PTPRD: variants seen among roughly 807,000 people sequenced by gnomAD.
PTPRD encodes the protein receptor-type tyrosine-protein phosphatase delta.
PTPRD carries 34 observed loss-of-function variants against 214.5 expected under a neutral mutation model. The observed-to-expected ratio is 0.16, with a 90% CI of 0.12 to 0.21. The LOEUF (loss-of-function observed/expected upper bound fraction) is 0.21, where lower values mean the gene tolerates loss of function less well. Ranked by LOEUF, PTPRD falls within the 10% of genes least tolerant of loss-of-function variation. The pLI, the probability that PTPRD is intolerant of heterozygous loss-of-function variation, is 1.00. For synonymous variants in PTPRD, 1,128 were observed against 845.7 expected, an observed-to-expected ratio of 1.33 and a Z score of -5.79; for missense variants, 2,545 against 2,398.7, an observed-to-expected ratio of 1.06 and a Z score of -1.27.
intron 8 of PTPRD, among the ~76,000 whole-genome samples, chr9:9,550,398 T>G (rs2079900219): frequency 2.5e-5 from 3 of 121,170 alleles, no homozygotes. Context: ...TCTATATATA[T>G]GAAATGTATA....
At chr9:8,976,509 G>A (rs1589185633) in intron 11 of PTPRD, among the ~76,000 whole-genome samples, 1 of 152,062 alleles carries the variant, frequency 6.6e-6, no homozygotes, top group African/African-American at 2.4e-5. Flanking sequence ...CATATATAAA[G>A]TTTGTGCTTC....
intron 5 of PTPRD, among the ~76,000 whole-genome samples, chr9:9,813,297 T>C (rs2047726217): frequency 6.6e-6 from 1 of 151,866 alleles, no homozygotes; most frequent in Non-Finnish European, 1.5e-5. Context: ...TAATGAAGAT[T>C]AGAGCATAAA....
chr9:9,322,358 T>C (rs542870097), intron 9 of PTPRD, among the ~76,000 whole-genome samples: 1 of 152,156 alleles, frequency 6.6e-6, no homozygotes, highest in Non-Finnish European at 1.5e-5. Flanking sequence ...ATTCACAATT[T>C]TCCTGTGAGA....
At chr9:9,304,471 G>T (rs1209356216) in intron 9 of PTPRD, among the ~76,000 whole-genome samples, 1 of 151,804 alleles carries the variant, frequency 6.6e-6, no homozygotes, top group Non-Finnish European at 1.5e-5. Flanking sequence ...CTTTCCTTAA[G>T]TATCTGTTGA....
At chr9:10,582,992 A>C (rs1249949209) in intron 2 of PTPRD, among the ~76,000 whole-genome samples, 1 of 152,224 alleles carries the variant, frequency 6.6e-6, no homozygotes, top group Non-Finnish European at 1.5e-5. Flanking sequence ...AGCATGAACT[A>C]ATGTCTATAT....
At chr9:10,117,995 C>A (rs1292533948) in intron 3 of PTPRD, among the ~76,000 whole-genome samples, 1 of 151,908 alleles carries the variant, frequency 6.6e-6, no homozygotes, top group Admixed American at 6.6e-5. Context: ...ACTTTCCCCC[C>A]TGGAAAAAAT....
chr9:9,929,977 A>G (rs2085830084), intron 5 of PTPRD, among the ~76,000 whole-genome samples: 1 of 152,216 alleles, frequency 6.6e-6, no homozygotes, highest in Non-Finnish European at 1.5e-5. Flanking sequence ...ACTCAAGGTT[A>G]TACTCATTTA....
intron 7 of PTPRD, among the ~76,000 whole-genome samples, chr9:9,597,418 G>A (rs74932474): frequency 4.6e-5 from 7 of 152,050 alleles, no homozygotes; most frequent in South Asian, 2.1e-4. Context: ...ATAAAGGACC[G>A]GTTCCACAGA....
intron 3 of PTPRD, among the ~76,000 whole-genome samples, chr9:10,125,889 G>C (rs954346647): frequency 6.6e-6 from 1 of 152,060 alleles, no homozygotes; most frequent in Admixed American, 6.6e-5. Context: ...TATAGATATA[G>C]CATGTAAAAT....
chr9:8,421,583 T>C (rs1589980338), intron 35 of PTPRD, among the ~76,000 whole-genome samples: 3 of 152,260 alleles, frequency 2.0e-5, no homozygotes, highest in African/African-American at 4.8e-5. Context: ...AAATCTGCCA[T>C]ATACACAGTG....
At chr9:10,433,209 T>C (rs1318041191) in intron 2 of PTPRD, among the ~76,000 whole-genome samples, 2 of 151,964 alleles carry the variant, frequency 1.3e-5, no homozygotes, top group Non-Finnish European at 2.9e-5. Flanking sequence ...CCTAGTCCTT[T>C]ACTTTTATCT....
chr9:10,490,925 G>T (rs973703462), intron 2 of PTPRD, among the ~76,000 whole-genome samples: 1 of 152,046 alleles, frequency 6.6e-6, no homozygotes, highest in Admixed American at 6.6e-5. Context: ...GTTATAAGTG[G>T]GGTTATAATC....
intron 2 of PTPRD, among the ~76,000 whole-genome samples, chr9:10,398,184 G>A (rs1440850121): frequency 6.6e-6 from 1 of 151,440 alleles, no homozygotes; most frequent in Non-Finnish European, 1.5e-5. Context: ...TCTGAGACCA[G>A]CCTGGACAAC....
chr9:10,028,969 C>A (rs1057277102), intron 4 of PTPRD, among the ~76,000 whole-genome samples: 2 of 152,070 alleles, frequency 1.3e-5, no homozygotes, highest in Admixed American at 6.5e-5. Flanking sequence ...GGGTGGGGCC[C>A]AGGGTCCCTG....
intron 10 of PTPRD, among the ~76,000 whole-genome samples, chr9:9,049,681 T>A (rs2099680916): frequency 6.6e-6 from 1 of 152,128 alleles, no homozygotes; most frequent in African/African-American, 2.4e-5. Context: ...TTTAGGTCTA[T>A]ACCTCAGGAA....
At chr9:8,382,527 G>C (rs1270408291) in intron 37 of PTPRD, among the ~76,000 whole-genome samples, 1 of 152,180 alleles carries the variant, frequency 6.6e-6, no homozygotes, top group Admixed American at 6.6e-5. Flanking sequence ...AAGTAGAGCA[G>C]GTGGGGTGGG....
chr9:9,132,600 A>G (rs1167853225), intron 10 of PTPRD, among the ~76,000 whole-genome samples: 1 of 152,200 alleles, frequency 6.6e-6, no homozygotes, highest in Non-Finnish European at 1.5e-5. Flanking sequence ...TTCTCATTCT[A>G]TTAATAAAAA....
chr9:9,338,676 A>C (rs2045565036), intron 9 of PTPRD, among the ~76,000 whole-genome samples: 1 of 152,126 alleles, frequency 6.6e-6, no homozygotes, highest in South Asian at 2.1e-4. Context: ...ATTTGTTTTC[A>C]AAACTTCCTT....
In PTPRD at chr9:9,974,911, C is replaced by T. The variant is rs553459295; in HGVS notation, c.-471-36301G>A. Reference sequence around the variant, plus strand: ...GGAAAAGGGGAGAAAATGTCATAAGCCTTATTTCTGAGATATTTATAGTAT... The same window carrying T: ...GGAAAAGGGGAGAAAATGTCATAAGTCTTATTTCTGAGATATTTATAGTAT... On this transcript the variant is annotated intron_variant, in intron 4 of 45. Coordinates refer to ENST00000381196, the MANE Select transcript of PTPRD (RefSeq NM_002839.4). Among the ~76,000 whole-genome samples, 5 of 152,168 alleles carry T rather than the reference C, an allele frequency of 3.3e-5. No homozygotes were observed. The South Asian group carries it at 8.3e-4, about 25-fold the overall frequency.
Sources: allele counts gnomAD v4.1 joint callset (sites outside exome capture counted in the v4.1 genomes callset), GRCh38; gene constraint gnomAD v4.1.1; transcripts MANE v1.5; gene names NCBI Gene and HGNC (gene_info 2026-07-23, HGNC 2026-07-21).